BIRC2: variants seen among roughly 807,000 people sequenced by gnomAD.
BIRC2 encodes baculoviral IAP repeat-containing protein 2.
Under a neutral mutation model 60.9 loss-of-function variants are expected in BIRC2, and 18 were observed. The ratio of observed to expected loss-of-function variants is 0.30; its 90% CI spans 0.20 to 0.44. The LOEUF (loss-of-function observed/expected upper bound fraction) is 0.44, where lower values mean the gene tolerates loss of function less well. BIRC2 is among the 20% of genes least tolerant of loss of function. The pLI, the probability that BIRC2 is intolerant of heterozygous loss-of-function variation, is 1.00. For missense variants in BIRC2, 701 were observed against 728.5 expected (o/e 0.96, Z 0.43); for synonymous variants, 282 against 247.7 (o/e 1.14, Z -1.30).
At chr11:102,374,751 C>A (rs969914603) in intron 6 of BIRC2, among the ~76,000 whole-genome samples, 1 of 152,072 alleles carries the variant, frequency 6.6e-6, no homozygotes, top group Admixed American at 6.5e-5. Flanking sequence ...CAATGGCGGG[C>A]GCCCCTCCCC....
Position 102,377,734 on chromosome 11 carries a change from G to A in BIRC2, c.1605G>A (p.Leu535=). ...KNCLKEIDST[L]YKNLFVDKNM... is the part of the protein sequence containing the mutation. ...GTCTAAAAGAAATTGACTCTACATTGTATAAGAACTTATTTGGTGAGTTTG... is the reference window on the plus strand; with the variant it reads ...GTCTAAAAGAAATTGACTCTACATTATATAAGAACTTATTTGGTGAGTTTG... The change falls in exon 7 of 9, where the codon TTG becomes TTA. Residue 535 remains leucine, a synonymous_variant. Coordinates refer to ENST00000227758, the MANE Select transcript of BIRC2 (RefSeq NM_001166.5). 1 of 1,600,290 alleles carries A rather than the reference G, an allele frequency of 6.2e-7. No homozygotes were observed. Among genetic ancestry groups the A allele is most frequent in the Non-Finnish European group, 8.5e-7 (1 of 1,177,092 alleles).
intron 6 of BIRC2, among the ~76,000 whole-genome samples, chr11:102,372,530 G>A (rs1055882186): frequency 3.9e-5 from 6 of 151,918 alleles, no homozygotes; most frequent in African/African-American, 1.5e-4. Flanking sequence ...TGGTCTGAGA[G>A]ATAGTTTGTT....
intron 3 of BIRC2, among the ~76,000 whole-genome samples, chr11:102,357,798 C>G (rs897262314): frequency 1.1e-4 from 17 of 151,942 alleles, no homozygotes; most frequent in African/African-American, 1.7e-4. Context: ...TTATTTCCTT[C>G]TGCTAACTTT....
chr11:102,362,953 A>C lies in BIRC2; in HGVS notation c.1053A>C (p.Arg351Ser), dbSNP rs1245817914. ...GQEFVDEIQG[R>S]YPHLLEQLLS... ...AGTTTGTTGATGAGATTCAAGGTAGATATCCTCATCTTCTTGAACAGGTAA... is the reference window on the plus strand; with the variant it reads ...AGTTTGTTGATGAGATTCAAGGTAGCTATCCTCATCTTCTTGAACAGGTAA... Residue 351 changes from arginine to serine, a missense_variant, in exon 4 of 9, where the codon AGA becomes AGC. Coordinates refer to ENST00000227758, the MANE Select transcript of BIRC2 (RefSeq NM_001166.5). The C allele has an allele frequency of 6.2e-7, 1 of 1,611,828 alleles. No homozygotes were observed. Among genetic ancestry groups the C allele is most frequent in the Non-Finnish European group, 8.5e-7 (1 of 1,178,340 alleles).
At chr11:102,363,781 G>A (rs1951512321) in intron 5 of BIRC2, 65 bp downstream of exon 5, 4 of 1,324,764 alleles carry the variant, frequency 3.0e-6, no homozygotes, top group Non-Finnish European at 4.3e-6. Flanking sequence ...AATAGGCTGG[G>A]TGCAGTGGCT....
At chr11:102,377,402 C>A in intron 6 of BIRC2, 94 bp from the exon 7 acceptor site, 8 of 1,155,436 alleles carry the variant, frequency 6.9e-6, no homozygotes, top group Non-Finnish European at 9.5e-6. Flanking sequence ...TATTTAGTGC[C>A]TAAATTGTTT....
intron 3 of BIRC2, among the ~76,000 whole-genome samples, chr11:102,355,556 G>GT (rs985135352): frequency 3.3e-5 from 5 of 151,598 alleles, no homozygotes; most frequent in South Asian, 4.2e-4. Context: ...GCCTCCAGTT[G>GT]TTTTTTTTGT....
Position 102,348,785 on chromosome 11 carries a change from A to T in BIRC2, c.-1070A>T, listed in dbSNP as rs1161807852. The T allele has an allele frequency of 2.9e-6, 1 of 344,076 alleles. No homozygotes were observed. The highest frequency in any genetic ancestry group is 5.6e-6 in the Non-Finnish European group (1 of 179,662). 21.3% of individuals were successfully genotyped at this position (344,076 alleles called of 1,614,324 possible). On this transcript the variant is annotated 5_prime_UTR_variant, in exon 2 of 9. Transcript: ENST00000227758. ...AGAAGGCTAGTAGAGTTGATTACTG[A>T]TACTTTATGCTAAGCAGTACTTTTT... is the stretch of plus-strand genomic sequence containing the variant.
intron 6 of BIRC2, among the ~76,000 whole-genome samples, chr11:102,374,750 G>T (rs1024594394): frequency 6.6e-6 from 1 of 152,232 alleles, no homozygotes; most frequent in African/African-American, 2.4e-5. Context: ...GCAATGGCGG[G>T]CGCCCCTCCC....
chr11:102,354,883 T>C (rs1026452762), intron 3 of BIRC2, among the ~76,000 whole-genome samples: 8 of 152,020 alleles, frequency 5.3e-5, no homozygotes, highest in African/African-American at 1.7e-4. Flanking sequence ...TGGCCATTTG[T>C]ATATCTTTGG....
intron 6 of BIRC2, among the ~76,000 whole-genome samples, chr11:102,368,896 C>G (rs1196077064): frequency 6.6e-6 from 1 of 150,900 alleles, no homozygotes; most frequent in Non-Finnish European, 1.5e-5. Flanking sequence ...GGATGCAGGT[C>G]TTTTTTCAAC....
chr11:102,367,105 C>G (rs1039126290), intron 5 of BIRC2, among the ~76,000 whole-genome samples: 2 of 152,296 alleles, frequency 1.3e-5, no homozygotes, highest in Non-Finnish European at 2.9e-5. Context: ...GGAAAGAAAA[C>G]TAAATGCTGT....
At chr11:102,354,275 T>G (rs1951395481) in intron 3 of BIRC2, among the ~76,000 whole-genome samples, 1 of 152,222 alleles carries the variant, frequency 6.6e-6, no homozygotes, top group South Asian at 2.1e-4. Flanking sequence ...AGTGGCACCA[T>G]CTAGGCTCAC....
chr11:102,375,365 A>G (rs890946959), intron 6 of BIRC2, among the ~76,000 whole-genome samples: 4 of 152,210 alleles, frequency 2.6e-5, no homozygotes, highest in Non-Finnish European at 5.9e-5. Flanking sequence ...ATTGCGTTGG[A>G]AGATGCTTTC....
At chr11:102,375,840 A>C (rs1172385697) in intron 6 of BIRC2, among the ~76,000 whole-genome samples, 1 of 152,100 alleles carries the variant, frequency 6.6e-6, no homozygotes, top group African/African-American at 2.4e-5. Context: ...TTATTCAACC[A>C]GACATCGGCT....
intron 5 of BIRC2, 73 bp from the exon 6 acceptor site, chr11:102,368,233 A>G: frequency 6.7e-7 from 1 of 1,494,072 alleles, no homozygotes; most frequent in Non-Finnish European, 9.1e-7. Flanking sequence ...ATGAATAAAG[A>G]TTGTGCCATG....
intron 3 of BIRC2, among the ~76,000 whole-genome samples, chr11:102,354,350 T>G (rs973936497): frequency 6.6e-6 from 1 of 152,194 alleles, no homozygotes; most frequent in African/African-American, 2.4e-5. Context: ...GCTGACATTA[T>G]AGGCACCTGC....
chr11:102,354,267 T>G (rs1210369815), intron 3 of BIRC2, among the ~76,000 whole-genome samples: 1 of 152,194 alleles, frequency 6.6e-6, no homozygotes, highest in African/African-American at 2.4e-5. Context: ...TGGAGTGCAG[T>G]GGCACCATCT....
At chr11:102,362,816 T>A in intron 3 of BIRC2, 80 bp from the exon 4 acceptor site, 1 of 1,134,432 alleles carries the variant, frequency 8.8e-7, no homozygotes, top group Non-Finnish European at 1.3e-6. Context: ...ATGAAAGATT[T>A]GAAAGCCATT....
Sources: allele counts gnomAD v4.1 joint callset (sites outside exome capture counted in the v4.1 genomes callset), GRCh38; gene constraint gnomAD v4.1.1; transcripts MANE v1.5; gene names NCBI Gene and HGNC (gene_info 2026-07-23, HGNC 2026-07-21).